Variants in FHOD3 observed in about 807,000 individuals in gnomAD.
FHOD3 encodes the protein FH1/FH2 domain-containing protein 3.
Under a neutral mutation model 173.0 loss-of-function variants are expected in FHOD3, and 90 were observed. The ratio of observed to expected loss-of-function variants is 0.52; its 90% confidence interval spans 0.44 to 0.62. The LOEUF is 0.62. Ranked by LOEUF, FHOD3 falls within the 20% of genes least tolerant of loss-of-function variation. The pLI is 0.00. For missense variants in FHOD3, 1,945 were observed against 2,034.7 expected, an observed-to-expected ratio of 0.96 and a Z score of 0.85; for synonymous variants, 828 against 823.0, an observed-to-expected ratio of 1.01 and a Z score of -0.10.
At chr18:36,673,839 G>A (rs911976037) in intron 14 of FHOD3, among the ~76,000 whole-genome samples, 1 of 152,026 alleles carries the variant, frequency 6.6e-6, no homozygotes, top group African/African-American at 2.4e-5. Flanking sequence ...ATATGTCAGA[G>A]GGATATATAT....
At chr18:36,374,403 A>C (rs1030731888) in intron 3 of FHOD3, among the ~76,000 whole-genome samples, 1 of 152,180 alleles carries the variant, frequency 6.6e-6, no homozygotes, top group African/African-American at 2.4e-5. Flanking sequence ...AAACCTCTTT[A>C]TGCCAATTGC....
intron 5 of FHOD3, among the ~76,000 whole-genome samples, chr18:36,542,327 T>C (rs1474188151): frequency 4.6e-5 from 7 of 152,198 alleles, no homozygotes; most frequent in African/African-American, 1.7e-4. Flanking sequence ...TTTATCTCTG[T>C]TATGAACTCA....
chr18:36,395,562 A>T (rs2048517680), intron 3 of FHOD3, among the ~76,000 whole-genome samples: 1 of 152,088 alleles, frequency 6.6e-6, no homozygotes, highest in South Asian at 2.1e-4. Flanking sequence ...TAATTCTAAG[A>T]TGGTATTTTC....
intron 1 of FHOD3, among the ~76,000 whole-genome samples, chr18:36,336,452 A>G (rs2045313158): frequency 6.6e-6 from 1 of 152,196 alleles, no homozygotes; most frequent in African/African-American, 2.4e-5. Context: ...CATAGATGGT[A>G]ATCTGTGAAT....
chr18:36,717,903 T>C lies in FHOD3; in HGVS notation c.2605T>C (p.Phe869Leu). The C allele has an allele frequency of 6.2e-7, 1 of 1,613,484 alleles. No individual in the cohort carries two copies. Among genetic ancestry groups the C allele is most frequent in the Non-Finnish European group, 8.5e-7 (1 of 1,179,740 alleles). Residue 869 changes from phenylalanine (F) to leucine (L), a missense_variant, in exon 19 of 29, where the codon TTC (phenylalanine) becomes CTC (leucine). Phe to Leu is a conservative substitution (Grantham distance 22). Around this residue, in one of 5 missense-constraint regions of FHOD3, gnomAD observed 1,099 missense variants for 1,051.2 expected, o/e 1.05. Coordinates refer to ENST00000590592, the MANE Select transcript of FHOD3 (RefSeq NM_001281740.3). ...TGGCGACATCCTCACCAACAAACGG[T>C]TCATGCTTGACATGCTGTATGCCCA... is the stretch of plus-strand genomic sequence containing the variant. ...QCGDILTNKR[F>L]MLDMLYAHNR...
intron 8 of FHOD3, among the ~76,000 whole-genome samples, chr18:36,609,607 C>CT (rs1181851197): frequency 0.038 from 4,463 of 118,176 alleles, 159 homozygotes; most frequent in African/African-American, 0.076. Context: ...CTTTTTAGTT[C>CT]TTTTTTTTTT....
intron 7 of FHOD3, among the ~76,000 whole-genome samples, chr18:36,600,891 C>G (rs2031283866): frequency 6.6e-6 from 1 of 152,210 alleles, no homozygotes; most frequent in African/African-American, 2.4e-5. Flanking sequence ...TTCCTTTGAG[C>G]CATGCATGGG....
At chr18:36,567,396 A>G (rs1011379630) in intron 5 of FHOD3, among the ~76,000 whole-genome samples, 3 of 152,240 alleles carry the variant, frequency 2.0e-5, no homozygotes, top group African/African-American at 7.2e-5. Context: ...GAGTTGCTCC[A>G]TCCAGGCCAC....
At chr18:36,742,630 T>A in intron 21 of FHOD3, 107 bp from the exon 22 acceptor site, 2 of 1,258,928 alleles carry the variant, frequency 1.6e-6, no homozygotes, top group Non-Finnish European at 2.2e-6. Context: ...GGGATTGCCT[T>A]GTGCTGGGGA....
intron 1 of FHOD3, among the ~76,000 whole-genome samples, chr18:36,327,985 G>GC (rs1474548493): frequency 2.0e-5 from 3 of 152,038 alleles, no homozygotes; most frequent in Non-Finnish European, 4.4e-5. Context: ...TTCCCTTCAA[G>GC]CCCCCCCACA....
intron 3 of FHOD3, among the ~76,000 whole-genome samples, chr18:36,438,741 C>T (rs2143614535): frequency 6.6e-6 from 1 of 152,366 alleles, no homozygotes; most frequent in Non-Finnish European, 1.5e-5. Context: ...GGCCCTCTCA[C>T]TCTCCTCTGC....
chr18:36,315,825 C>T (rs1318301797), intron 1 of FHOD3, among the ~76,000 whole-genome samples: 1 of 152,124 alleles, frequency 6.6e-6, no homozygotes, highest in African/African-American at 2.4e-5. Flanking sequence ...TGCTCACAGA[C>T]CCGACTTTTG....
At chr18:36,471,394 G>C (rs1250546291) in intron 3 of FHOD3, among the ~76,000 whole-genome samples, 2 of 152,126 alleles carry the variant, frequency 1.3e-5, no homozygotes, top group South Asian at 2.1e-4. Context: ...CTCCCAGAAG[G>C]CTTCAAAATT....
At chr18:36,471,771 G>A (rs2053299484) in intron 3 of FHOD3, among the ~76,000 whole-genome samples, 1 of 152,208 alleles carries the variant, frequency 6.6e-6, no homozygotes, top group Non-Finnish European at 1.5e-5. Context: ...CACAGAATAA[G>A]TGATACTTTC....
At chr18:36,732,221 G>T (rs547395788) in intron 20 of FHOD3, among the ~76,000 whole-genome samples, 24 of 152,290 alleles carry the variant, frequency 1.6e-4, no homozygotes, top group African/African-American at 5.8e-4. Context: ...TCATCCCCTG[G>T]GGCCTTCAGA....
intron 14 of FHOD3, among the ~76,000 whole-genome samples, chr18:36,677,640 C>A (rs987200643): frequency 2.0e-5 from 3 of 152,162 alleles, no homozygotes; most frequent in African/African-American, 7.2e-5. Context: ...CTTTGACGGG[C>A]AATCATTGTG....
chr18:36,759,147 AC>A lies in FHOD3; in HGVS notation c.4449+8del. On this transcript the variant is annotated splice_region_variant and intron_variant, in intron 26 of 28. Coordinates refer to ENST00000590592, the MANE Select transcript of FHOD3 (RefSeq NM_001281740.3). The stretch of plus-strand genomic sequence containing the variant: ...ATGAGGAGGAGGAAGTTGAGGTATG[AC>A]CATTTATGAACATGAAGAATGCCAC... The A allele has an allele frequency of 6.5e-7, 1 of 1,535,772 alleles. No homozygotes were observed. The highest frequency in any genetic ancestry group is 8.7e-7 in the Non-Finnish European group (1 of 1,146,660).
intron 3 of FHOD3, among the ~76,000 whole-genome samples, chr18:36,424,356 T>A (rs2050137641): frequency 6.6e-6 from 1 of 152,278 alleles, no homozygotes; most frequent in South Asian, 2.1e-4. Flanking sequence ...CCTTCTGGTG[T>A]TATTGTGAGA....
chr18:36,510,181 A>G (rs2055556243), intron 4 of FHOD3, among the ~76,000 whole-genome samples: 1 of 152,254 alleles, frequency 6.6e-6, no homozygotes. Context: ...AGGCATTTAA[A>G]AAATGATCAC....
Sources: gnomAD v4.1 joint callset for allele counts (sites outside exome capture counted in the v4.1 genomes callset) on GRCh38, gnomAD v4.1.1 for gene constraint, gnomAD v4.1.1 regional missense constraint, MANE v1.5 for transcripts, NCBI Gene and HGNC (gene_info 2026-07-23, HGNC 2026-07-21) for gene names.